KIAA1328: variants seen among roughly 807,000 people sequenced by gnomAD.
The protein encoded by KIAA1328 is KIAA1328.
KIAA1328 carries 52 observed loss-of-function variants against 68.1 expected under a neutral mutation model. That is an observed-to-expected ratio of 0.76 (90% CI 0.61 to 0.96). KIAA1328 has a LOEUF of 0.96. KIAA1328 is among the 40% of genes least tolerant of loss of function. The pLI, the probability that KIAA1328 is intolerant of heterozygous loss-of-function variation, is 0.00. For missense variants in KIAA1328, 641 were observed against 677.6 expected, an observed-to-expected ratio of 0.95 and a Z score of 0.60; for synonymous variants, 232 against 239.4, an observed-to-expected ratio of 0.97 and a Z score of 0.28.
chr18:36,829,358 C>T (rs1429458859), intron 1 of KIAA1328, 162 bp downstream of exon 1: 8 of 1,381,292 alleles, frequency 5.8e-6, no homozygotes, highest in Non-Finnish European at 7.4e-6. Context: ...TCTCCCCTTG[C>T]TTGGGTGTTA....
chr18:36,884,797 A>G (rs1261765253), intron 4 of KIAA1328, among the ~76,000 whole-genome samples: 1 of 152,188 alleles, frequency 6.6e-6, no homozygotes, highest in Non-Finnish European at 1.5e-5. Context: ...GATTGTCCCA[A>G]TATATACTTC....
At chr18:37,138,576 T>C (rs2058695730) in intron 7 of KIAA1328, among the ~76,000 whole-genome samples, 1 of 152,216 alleles carries the variant, frequency 6.6e-6, no homozygotes, top group African/African-American at 2.4e-5. Flanking sequence ...TAAATACTAG[T>C]AAATTATTAT....
At chr18:37,206,681 C>A (rs1310521253) in intron 9 of KIAA1328, among the ~76,000 whole-genome samples, 2 of 152,102 alleles carry the variant, frequency 1.3e-5, no homozygotes, top group Non-Finnish European at 2.9e-5. Flanking sequence ...GTGTTTTCTT[C>A]TTTCTGAATA....
chr18:37,152,401 G>C (rs1016435160), intron 7 of KIAA1328, among the ~76,000 whole-genome samples: 5 of 152,106 alleles, frequency 3.3e-5, no homozygotes, highest in African/African-American at 1.2e-4. Context: ...AGATGATAAG[G>C]GTCTAAAGTT....
intron 5 of KIAA1328, among the ~76,000 whole-genome samples, chr18:36,916,011 A>C (rs2049683584): frequency 2.0e-5 from 3 of 151,956 alleles, no homozygotes; most frequent in South Asian, 4.1e-4. Flanking sequence ...TTATCACATC[A>C]TTTTTCACTC....
chr18:36,893,465 TTGTGTGTGTG>T (rs141803952), intron 5 of KIAA1328, among the ~76,000 whole-genome samples: 26 of 120,596 alleles, frequency 2.2e-4, no homozygotes, highest in Admixed American at 5.5e-4. Flanking sequence ...GTGTGTGTTT[TTGTGTGTGTG>T]TGTGTGTGTG....
chr18:36,972,561 A>AT (rs1446322475), intron 6 of KIAA1328, among the ~76,000 whole-genome samples: 4 of 152,174 alleles, frequency 2.6e-5, no homozygotes, highest in South Asian at 2.1e-4. Flanking sequence ...AAGTTCCAAA[A>AT]CTTCGGCCTA....
intron 5 of KIAA1328, among the ~76,000 whole-genome samples, chr18:36,895,176 G>A (rs925728169): frequency 6.6e-6 from 1 of 152,076 alleles, no homozygotes; most frequent in Non-Finnish European, 1.5e-5. Flanking sequence ...TCTTCTTATG[G>A]TTCTTTGGGC....
intron 6 of KIAA1328, among the ~76,000 whole-genome samples, chr18:36,975,216 T>C (rs1356144737): frequency 7.1e-6 from 1 of 141,346 alleles, no homozygotes; most frequent in Non-Finnish European, 1.5e-5. Flanking sequence ...GGAGTCTCGC[T>C]CTGTCGCCCA....
At chr18:36,835,211 T>C in intron 2 of KIAA1328, 23 bp from the exon 3 acceptor site, 1 of 1,605,382 alleles carries the variant, frequency 6.2e-7, no homozygotes, top group Non-Finnish European at 8.5e-7. Context: ...AATTTTGAAA[T>C]CTTGTTTAAT....
Position 36,897,968 on chromosome 18 carries a change from G to A in KIAA1328, c.448+12296G>A, listed in dbSNP as rs181408294. ...AATTACAAATTGATGTCTCAAATAT[G>A]ATTTATCTCAATGAAATAAGAAGCC... is the stretch of plus-strand genomic sequence containing the variant. On this transcript the variant is annotated intron_variant, in intron 5 of 9. Transcript: ENST00000280020. 7.5e-3 allele frequency among the ~76,000 whole-genome samples: 1,144 copies of A among 152,076 alleles called. 8 individuals are homozygous for A. The highest frequency in any genetic ancestry group is 9.8e-3 in the Non-Finnish European group (662 of 67,890).
chr18:37,097,426 GA>G (rs925588511), intron 7 of KIAA1328, among the ~76,000 whole-genome samples: 16 of 152,270 alleles, frequency 1.1e-4, no homozygotes, highest in African/African-American at 3.9e-4. Context: ...CTGTTCCATT[GA>G]TCTATATCTC....
At chr18:37,088,947 C>T (rs2057186067) in intron 7 of KIAA1328, among the ~76,000 whole-genome samples, 2 of 152,068 alleles carry the variant, frequency 1.3e-5, no homozygotes, top group African/African-American at 2.4e-5. Flanking sequence ...TTAGAGTTAG[C>T]ACTCTAATAT....
At chr18:36,927,592 A>T (rs80250477) in intron 5 of KIAA1328, among the ~76,000 whole-genome samples, 2,971 of 151,078 alleles carry the variant, frequency 0.02, 95 homozygotes, top group African/African-American at 0.067. Context: ...ACAAAAAAAA[A>T]TTTTTTTAAA....
intron 4 of KIAA1328, among the ~76,000 whole-genome samples, chr18:36,858,187 T>C (rs1054264424): frequency 2.6e-5 from 4 of 152,176 alleles, no homozygotes; most frequent in Non-Finnish European, 5.9e-5. Context: ...CTTGTGATAA[T>C]AGATTAATAC....
intron 7 of KIAA1328, among the ~76,000 whole-genome samples, chr18:37,111,459 G>A (rs2057927770): frequency 6.6e-6 from 1 of 152,156 alleles, no homozygotes; most frequent in Admixed American, 6.5e-5. Flanking sequence ...ACATAAAGAA[G>A]ACCATCATAG....
At chr18:37,139,538 C>T (rs376637637) in intron 7 of KIAA1328, among the ~76,000 whole-genome samples, 161 of 152,220 alleles carry the variant, frequency 1.1e-3, no homozygotes, top group African/African-American at 3.3e-3. Flanking sequence ...ATTGGACCTG[C>T]CTTTGCTACT....
At chr18:37,188,399 A>G (rs2059843233) in intron 9 of KIAA1328, among the ~76,000 whole-genome samples, 1 of 152,242 alleles carries the variant, frequency 6.6e-6, no homozygotes, top group Non-Finnish European at 1.5e-5. Flanking sequence ...GAAGTGATGC[A>G]TCATCTCAGG....
intron 5 of KIAA1328, among the ~76,000 whole-genome samples, chr18:36,892,372 A>G (rs1369089146): frequency 6.6e-6 from 1 of 152,214 alleles, no homozygotes; most frequent in Non-Finnish European, 1.5e-5. Context: ...GAAGACTGTA[A>G]ATAGAAGAGA....
Sources: gnomAD v4.1 joint callset for allele counts (sites outside exome capture counted in the v4.1 genomes callset) on GRCh38, gnomAD v4.1.1 for gene constraint, MANE v1.5 for transcripts, NCBI Gene and HGNC (gene_info 2026-07-23, HGNC 2026-07-21) for gene names.